The following EML6 variants were observed in gnomAD, a reference collection of about 807,000 sequenced individuals.
The protein encoded by EML6 is EMAP like 6.
A neutral mutation model predicts 240.1 loss-of-function variants in EML6; 154 were observed. The ratio of observed to expected loss-of-function variants is 0.64; its 90% CI spans 0.56 to 0.73. EML6 has a LOEUF of 0.73. Ranked by LOEUF, EML6 falls within the 30% of genes least tolerant of loss-of-function variation. The probability of loss-of-function intolerance (pLI) is 0.00; values close to 1 mark genes in which losing one functional copy is unlikely to be tolerated. For synonymous variants in EML6, 1,148 were observed against 899.0 expected, an observed-to-expected ratio of 1.28 and a Z score of -4.95; for missense variants, 2,964 against 2,474.6, an observed-to-expected ratio of 1.20 and a Z score of -4.20.
rs1358994619 is a variant in EML6 at position 54,952,632 on chromosome 2, C to T, written c.4252C>T (p.Leu1418Phe). Residue 1418 changes from leucine (L) to phenylalanine (F), a missense_variant, in exon 31 of 42, where the codon CTC becomes TTC. Leu to Phe is a conservative substitution (Grantham distance 22). Coordinates refer to ENST00000356458, the MANE Select transcript of EML6 (RefSeq NM_001039753.4). ...CTATCTGGAGCACACAGATGACATC[C>T]TCTGTCTCACAGTGAACCAGCACCC... ...SFYLEHTDDI[L>F]CLTVNQHPKY... 2 of 1,551,396 alleles carry T rather than the reference C, an allele frequency of 1.3e-6. No homozygotes were observed. Among genetic ancestry groups the T allele is most frequent in the Non-Finnish European group, 1.7e-6 (2 of 1,146,854 alleles).
intron 25 of EML6, among the ~76,000 whole-genome samples, chr2:54,915,149 T>C (rs1673843126): frequency 6.6e-6 from 1 of 152,230 alleles, no homozygotes; most frequent in Non-Finnish European, 1.5e-5. Flanking sequence ...ATTATAGGTA[T>C]CATTTTTAAT....
Position 54,844,126 on chromosome 2 carries a change from T to A in EML6, c.927T>A (p.Ile309=). ...GTQDSEIFEV[I]VRERDKPMLI... Reference sequence around the variant, plus strand: ...AGGACAGTGAGATATTTGAAGTGATTGTGCGAGAGCGAGACAAGCCGATGT... The same window carrying A: ...AGGACAGTGAGATATTTGAAGTGATAGTGCGAGAGCGAGACAAGCCGATGT... Residue 309 remains isoleucine (I), a synonymous_variant, in exon 8 of 42, where the codon ATT becomes ATA. Transcript: ENST00000356458. 1.3e-6 allele frequency: 2 copies of A among 1,551,608 alleles called. No homozygotes were observed. The highest frequency in any genetic ancestry group is 1.7e-6 in the Non-Finnish European group (2 of 1,146,966).
intron 28 of EML6, among the ~76,000 whole-genome samples, chr2:54,934,215 A>T (rs1322445474): frequency 1.3e-5 from 2 of 152,208 alleles, no homozygotes; most frequent in Non-Finnish European, 2.9e-5. Flanking sequence ...TAAAAGTAGG[A>T]AGTAACATAA....
chr2:54,731,659 G>A (rs866784833), intron 2 of EML6, among the ~76,000 whole-genome samples: 6 of 152,082 alleles, frequency 3.9e-5, no homozygotes, highest in Non-Finnish European at 5.9e-5. Context: ...TTTGGAAAAT[G>A]TGGTTGCCAC....
At chr2:54,728,094 G>C (rs1385625347) in intron 2 of EML6, among the ~76,000 whole-genome samples, 2 of 152,212 alleles carry the variant, frequency 1.3e-5, no homozygotes, top group East Asian at 3.8e-4. Flanking sequence ...TCAGATAACA[G>C]ATTAGAAGAT....
chr2:54,839,415 T>C (rs1403650957), intron 7 of EML6, among the ~76,000 whole-genome samples: 1 of 152,168 alleles, frequency 6.6e-6, no homozygotes, highest in African/African-American at 2.4e-5. Flanking sequence ...CGCCATGAGA[T>C]TGACTTGTCT....
intron 2 of EML6, among the ~76,000 whole-genome samples, chr2:54,773,475 G>A (rs1668480545): frequency 6.6e-6 from 1 of 152,220 alleles, no homozygotes; most frequent in Non-Finnish European, 1.5e-5. Context: ...GATCATGCCT[G>A]GAAGGCTGAG....
At chr2:54,917,768 A>AT (rs998993494) in intron 26 of EML6, among the ~76,000 whole-genome samples, 21 of 151,396 alleles carry the variant, frequency 1.4e-4, no homozygotes, top group East Asian at 7.8e-4. Context: ...CCGAAGTCTC[A>AT]TTTTTTTTTC....
At chr2:54,732,077 A>T (rs1242959966) in intron 2 of EML6, among the ~76,000 whole-genome samples, 2 of 152,134 alleles carry the variant, frequency 1.3e-5, no homozygotes, top group Non-Finnish European at 2.9e-5. Flanking sequence ...TGATCTTTTC[A>T]TAAACTTACT....
At chr2:54,787,443 CT>C (rs1427341231) in intron 2 of EML6, among the ~76,000 whole-genome samples, 1 of 152,206 alleles carries the variant, frequency 6.6e-6, no homozygotes, top group Non-Finnish European at 1.5e-5. Context: ...GGCTCTGCCA[CT>C]TACCAGCTGT....
intron 2 of EML6, among the ~76,000 whole-genome samples, chr2:54,797,320 C>G (rs185273771): frequency 1.3e-5 from 2 of 152,014 alleles, no homozygotes; most frequent in African/African-American, 4.8e-5. Flanking sequence ...TAGACAATAA[C>G]AGCCATCGGA....
chr2:54,928,653 G>A lies in EML6; in HGVS notation c.3906G>A (p.Lys1302=), dbSNP rs1227979628. 4 of 1,552,138 alleles carry A rather than the reference G, an allele frequency of 2.6e-6. No individual in the cohort carries two copies. The East Asian group carries it at 7.3e-5, about 28-fold the overall frequency. The change falls in exon 28 of 42, where the codon AAG becomes AAA. Residue 1302 remains lysine, a synonymous_variant. Coordinates refer to ENST00000356458, the MANE Select transcript of EML6 (RefSeq NM_001039753.4). ...GGYDSDVARE[K]AIDYTTKIYA... is the part of the protein sequence containing the mutation. ...ATGACAGCGATGTTGCTAGAGAAAA[G>A]GCCATTGACTACACCACCAAGATTT...
intron 35 of EML6, 81 bp downstream of exon 35, chr2:54,960,415 G>T (rs1350076101): frequency 1.4e-5 from 15 of 1,063,702 alleles, no homozygotes; most frequent in Non-Finnish European, 1.9e-5. Flanking sequence ...CTTTCTCTGG[G>T]CTGGTTTGTT....
At chr2:54,954,286 A>G in intron 32 of EML6, 130 bp downstream of exon 32, 1 of 786,654 alleles carries the variant, frequency 1.3e-6, no homozygotes, top group Non-Finnish European at 2.0e-6. Flanking sequence ...GCAAGTGGAA[A>G]ACAGGGCACT....
chr2:54,827,447 TATTTG>T, intron 5 of EML6, 114 bp from the exon 6 acceptor site: 1 of 789,642 alleles, frequency 1.3e-6, no homozygotes, highest in Non-Finnish European at 2.0e-6. Context: ...CAAATTAACT[TATTTG>T]TGCCTAGCTT....
intron 33 of EML6, among the ~76,000 whole-genome samples, chr2:54,958,753 C>G (rs986242570): frequency 6.6e-6 from 1 of 152,292 alleles, no homozygotes; most frequent in East Asian, 1.9e-4. Flanking sequence ...GTTTCTCCCT[C>G]TTGTAGAGGA....
chr2:54,967,345 A>T (rs2104557158), intron 39 of EML6: 1 of 267,986 alleles, frequency 3.7e-6, no homozygotes, highest in African/African-American at 2.2e-5. Context: ...CAAGTCTCCA[A>T]CCCCTTCCAG....
At chr2:54,855,358 G>T (rs764189990) in intron 11 of EML6, among the ~76,000 whole-genome samples, 33 of 152,016 alleles carry the variant, frequency 2.2e-4, no homozygotes, top group Non-Finnish European at 2.6e-4. Context: ...TGAGCAAGCA[G>T]ATCTCATGAA....
intron 19 of EML6, among the ~76,000 whole-genome samples, chr2:54,894,176 G>A (rs1385682775): frequency 4.0e-5 from 6 of 149,654 alleles, no homozygotes; most frequent in Non-Finnish European, 5.9e-5. Context: ...TGCTAAGAAA[G>A]CAGTGAATTA....
Sources: allele counts gnomAD v4.1 joint callset (sites outside exome capture counted in the v4.1 genomes callset), GRCh38; gene constraint gnomAD v4.1.1; transcripts MANE v1.5; gene names NCBI Gene and HGNC (gene_info 2026-07-23, HGNC 2026-07-21).